The following GPC5 variants were observed in gnomAD, a reference collection of about 807,000 sequenced individuals.
GPC5 encodes glypican 5.
GPC5 carries 47 observed loss-of-function variants against 53.9 expected under a neutral mutation model. The ratio of observed to expected loss-of-function variants is 0.87; its 90% CI spans 0.69 to 1.11. The LOEUF (loss-of-function observed/expected upper bound fraction) is 1.11. Ranked by LOEUF, GPC5 falls within the 50% of genes most tolerant of loss-of-function variation. The pLI is 0.00. For synonymous variants in GPC5, 286 were observed against 263.3 expected, an observed-to-expected ratio of 1.09 and a Z score of -0.84; for missense variants, 748 against 713.1, an observed-to-expected ratio of 1.05 and a Z score of -0.56.
intron 7 of GPC5, among the ~76,000 whole-genome samples, chr13:92,707,267 C>T (rs1244021391): frequency 6.6e-6 from 1 of 152,160 alleles, no homozygotes; most frequent in African/African-American, 2.4e-5. Flanking sequence ...CATATTTGTA[C>T]ATTCCATTGA....
At chr13:92,461,482 A>G (rs1172983229) in intron 7 of GPC5, among the ~76,000 whole-genome samples, 1 of 152,196 alleles carries the variant, frequency 6.6e-6, no homozygotes, top group Admixed American at 6.5e-5. Context: ...AAAGAGACAT[A>G]GAAATATCCA....
intron 6 of GPC5, among the ~76,000 whole-genome samples, chr13:91,912,521 T>C (rs2039619051): frequency 6.6e-6 from 1 of 152,204 alleles, no homozygotes; most frequent in African/African-American, 2.4e-5. Context: ...ATTATACATA[T>C]AAATACATCA....
intron 6 of GPC5, among the ~76,000 whole-genome samples, chr13:91,987,446 G>A (rs549926796): frequency 1.3e-5 from 2 of 152,254 alleles, no homozygotes; most frequent in South Asian, 2.1e-4. Context: ...ATTGGACAAC[G>A]TTCCCATTTC....
chr13:91,775,439 C>T (rs775245329), intron 5 of GPC5, among the ~76,000 whole-genome samples: 7 of 152,114 alleles, frequency 4.6e-5, no homozygotes, highest in Admixed American at 1.3e-4. Context: ...TAATTCCCCA[C>T]GTAGATGATT....
intron 7 of GPC5, among the ~76,000 whole-genome samples, chr13:92,363,813 A>G (rs2043587433): frequency 6.6e-6 from 1 of 151,868 alleles, no homozygotes; most frequent in Non-Finnish European, 1.5e-5. Flanking sequence ...GCATACAATT[A>G]TAAATACAGA....
intron 7 of GPC5, among the ~76,000 whole-genome samples, chr13:92,677,723 T>A (rs972798844): frequency 1.3e-5 from 2 of 152,132 alleles, no homozygotes; most frequent in African/African-American, 2.4e-5. Flanking sequence ...GAGGACAGTA[T>A]GTGTTGAAGA....
intron 2 of GPC5, among the ~76,000 whole-genome samples, chr13:91,541,356 TTC>T (rs151072534): frequency 1.6e-4 from 24 of 152,280 alleles, no homozygotes; most frequent in Non-Finnish European, 3.2e-4. Flanking sequence ...CCTAGTTATT[TTC>T]TGTCTACTAT....
chr13:92,861,825 A>G (rs111661460), intron 7 of GPC5, among the ~76,000 whole-genome samples: 10,077 of 152,126 alleles, frequency 0.066, 1,084 homozygotes, highest in African/African-American at 0.23. Flanking sequence ...TTACTTCCTC[A>G]TTATTTTTAC....
At chr13:91,532,753 C>T (rs941626523) in intron 2 of GPC5, among the ~76,000 whole-genome samples, 49 of 152,008 alleles carry the variant, frequency 3.2e-4, no homozygotes, top group African/African-American at 1.2e-3. Flanking sequence ...GTGGTTCCAG[C>T]TACTCGGGAG....
intron 5 of GPC5, among the ~76,000 whole-genome samples, chr13:91,782,545 G>T (rs2037814809): frequency 6.6e-6 from 1 of 152,078 alleles, no homozygotes; most frequent in Non-Finnish European, 1.5e-5. Context: ...TAGCATGGGG[G>T]AACCGCCCCC....
chr13:92,579,548 G>A (rs186803791), intron 7 of GPC5, among the ~76,000 whole-genome samples: 8 of 152,008 alleles, frequency 5.3e-5, no homozygotes, highest in Admixed American at 2.0e-4. Flanking sequence ...TGGATATGGC[G>A]TATGTGGGGC....
At position 91,606,071 on chromosome 13, in the gene GPC5, G is replaced by T. The variant is rs1035676692; in HGVS notation, c.326-87116G>T. ...AATGCTTCCAGTTTTTGCCCATTCA[G>T]TATGATATTGGCTGTGGGTTTGTCA... On this transcript the variant is annotated intron_variant, in intron 2 of 7. Transcript: ENST00000377067. Among the ~76,000 whole-genome samples the T allele has an allele frequency of 3.6e-5, 4 of 109,816 alleles. 1 individual carries two copies. Among genetic ancestry groups the T allele is most frequent in the African/African-American group, 1.5e-4 (4 of 27,270 alleles). The allele number at this position is 109,816 out of a possible 152,430, so 72.0% of individuals were successfully genotyped here.
chr13:92,594,021 A>C (rs1883792906), intron 7 of GPC5, among the ~76,000 whole-genome samples: 1 of 152,282 alleles, frequency 6.6e-6, no homozygotes. Context: ...CAGGCGGAAA[A>C]CCCACATTAA....
At chr13:91,530,261 G>A (rs1208333649) in intron 2 of GPC5, among the ~76,000 whole-genome samples, 2 of 152,180 alleles carry the variant, frequency 1.3e-5, no homozygotes, top group Non-Finnish European at 1.5e-5. Flanking sequence ...CCTGGAGAGT[G>A]GTTTGCCAGA....
Position 92,652,805 on chromosome 13 carries a change from G to T in GPC5, c.1562-213477G>T, listed in dbSNP as rs1885999772. Among the ~76,000 whole-genome samples, 6 of 152,150 alleles carry T rather than the reference G, an allele frequency of 3.9e-5. 1 individual carries two copies. In the South Asian group the frequency reaches 1.2e-3, roughly 32 times the overall value. On this transcript the variant is annotated intron_variant, in intron 7 of 7. Transcript: ENST00000377067. ...CATCTTTCCTCTAGATTCTTGCAAT[G>T]GTCTACTAGTGTTATAGATGAACTA...
At chr13:91,557,871 G>A (rs1351308639) in intron 2 of GPC5, among the ~76,000 whole-genome samples, 1 of 152,078 alleles carries the variant, frequency 6.6e-6, no homozygotes, top group African/African-American at 2.4e-5. Context: ...TTAAAGCACA[G>A]GTTCTACAGC....
chr13:91,550,387 G>A (rs1221377607), intron 2 of GPC5, among the ~76,000 whole-genome samples: 1 of 152,082 alleles, frequency 6.6e-6, no homozygotes, highest in African/African-American at 2.4e-5. Flanking sequence ...GTCAGTATAG[G>A]TTCACCAGTT....
chr13:92,799,055 A>G (rs1876805860), intron 7 of GPC5, among the ~76,000 whole-genome samples: 1 of 151,818 alleles, frequency 6.6e-6, no homozygotes. Flanking sequence ...TTGAATAATT[A>G]GCAAGTCTTA....
intron 5 of GPC5, among the ~76,000 whole-genome samples, chr13:91,774,087 C>T (rs1594550187): frequency 6.6e-6 from 1 of 152,082 alleles, no homozygotes; most frequent in Non-Finnish European, 1.5e-5. Flanking sequence ...GTTCAGCTTC[C>T]TGAAGATTTC....
Sources: allele counts gnomAD v4.1 joint callset (sites outside exome capture counted in the v4.1 genomes callset), GRCh38; gene constraint gnomAD v4.1.1; transcripts MANE v1.5; gene names NCBI Gene and HGNC (gene_info 2026-07-23, HGNC 2026-07-21).